The following FSCN2 variants were observed in gnomAD, a reference collection of about 807,000 sequenced individuals.
The protein encoded by FSCN2 is fascin-2.
Under a neutral mutation model 37.8 loss-of-function variants are expected in FSCN2, and 46 were observed. That is an observed-to-expected ratio of 1.22 (90% CI 0.96 to 1.56). The LOEUF (loss-of-function observed/expected upper bound fraction) is 1.56, where lower values mean the gene tolerates loss of function less well. Ranked by LOEUF, FSCN2 falls within the 40% of genes most tolerant of loss-of-function variation. The pLI is 0.00. For missense variants in FSCN2, 844 were observed against 730.4 expected (o/e 1.16, Z -1.79); for synonymous variants, 351 against 309.4 (o/e 1.13, Z -1.41).
chr17:81,531,441 GTGATGGTGGTGGTGATGGTGA>G (rs2032586729), intron 1 of FSCN2, among the ~76,000 whole-genome samples: 3 of 77,198 alleles, frequency 3.9e-5, no homozygotes, highest in Admixed American at 1.4e-4. Flanking sequence ...GGAGATGGTG[GTGATGGTGGTGGTGATGGTGA>G]TGATGGTGGT....
At chr17:81,532,574 GGTGATGATA>G (rs1943812639) in intron 1 of FSCN2, among the ~76,000 whole-genome samples, 4 of 148,844 alleles carry the variant, frequency 2.7e-5, no homozygotes, top group South Asian at 2.1e-4. Flanking sequence ...TGGTGATGGT[GGTGATGATA>G]GTGATGGTGA....
chr17:81,531,971 GATA>G (rs1479006759), intron 1 of FSCN2, among the ~76,000 whole-genome samples: 6 of 141,434 alleles, frequency 4.2e-5, no homozygotes, highest in African/African-American at 1.6e-4. Context: ...TGATAGTGAT[GATA>G]ATGGTGATGA....
chr17:81,517,475 AC>A, the FSCN2 span, among the ~76,000 whole-genome samples: 1 of 151,834 alleles, frequency 6.6e-6, no homozygotes, highest in African/African-American at 2.4e-5. Context: ...GGCCCAGCAA[AC>A]CCCCCAGGCG....
At chr17:81,536,027 G>A in intron 2 of FSCN2, 119 bp from the exon 3 acceptor site, 1 of 1,248,882 alleles carries the variant, frequency 8.0e-7, no homozygotes, top group Non-Finnish European at 1.1e-6. Context: ...ATGGTGGTGG[G>A]TGTGTCAGTG....
At chr17:81,525,499 G>T (rs945689675), upstream of FSCN2, among the ~76,000 whole-genome samples, 2 of 150,110 alleles carry the variant, frequency 1.3e-5, no homozygotes, top group Non-Finnish European at 3.0e-5. Flanking sequence ...GAGGAGGCCA[G>T]ATCACAAGGT....
intron 2 of FSCN2, among the ~76,000 whole-genome samples, chr17:81,535,668 C>CCCATTACCATCT (rs2032842192): frequency 3.6e-4 from 2 of 5,630 alleles, no homozygotes; most frequent in Non-Finnish European, 6.9e-4. Context: ...CATCTCCATC[C>CCCATTACCATCT]CCACCATCCC....
At chr17:81,520,567 G>A in the FSCN2 span, among the ~76,000 whole-genome samples, 1 of 152,394 alleles carries the variant, frequency 6.6e-6, no homozygotes, top group South Asian at 2.1e-4. Flanking sequence ...GTATCGGCAA[G>A]TGCCTTGAGC....
chr17:81,536,004 A>G (rs2032864759), intron 2 of FSCN2, 142 bp from the exon 3 acceptor site: 9 of 1,005,582 alleles, frequency 9.0e-6, no homozygotes, highest in Non-Finnish European at 1.3e-5. Context: ...CCACTGGGGC[A>G]GGGTAGCGCC....
rs1298571740 is a variant in FSCN2 at position 81,529,092 on chromosome 17, G to C, written c.561G>C (p.Lys187Asn). ...LIFRSRRYCLKSCDSRYLRSD... is the reference protein window; with the variant it reads ...LIFRSRRYCLNSCDSRYLRSD... ...TCCGGAGCCGACGGTACTGCCTCAA[G>C]TCCTGTGACAGCCGCTACCTGCGCA... The change falls in exon 1 of 5, where the codon AAG (lysine) becomes AAC (asparagine). Residue 187 changes from lysine to asparagine, a missense_variant. By Grantham distance (94) the Lys-to-Asn change is moderately conservative (BLOSUM62 0). Coordinates refer to ENST00000417245, the MANE Select transcript of FSCN2 (RefSeq NM_012418.4). The C allele has an allele frequency of 1.3e-6, 2 of 1,589,652 alleles. No individual in the cohort carries two copies. The highest frequency in any genetic ancestry group is 1.7e-6 in the Non-Finnish European group (2 of 1,170,020).
the FSCN2 span, among the ~76,000 whole-genome samples, chr17:81,520,365 G>A: frequency 6.6e-6 from 1 of 152,216 alleles, no homozygotes; most frequent in African/African-American, 2.4e-5. Flanking sequence ...TGTCCACTTG[G>A]TCTGTGGGAG....
At chr17:81,524,872 C>T (rs1010047553), upstream of FSCN2, among the ~76,000 whole-genome samples, 2 of 143,446 alleles carry the variant, frequency 1.4e-5, no homozygotes, top group Non-Finnish European at 3.0e-5. Context: ...AACCTTTGCC[C>T]ACCCTCATCC....
the FSCN2 span, among the ~76,000 whole-genome samples, chr17:81,520,501 C>T: frequency 2.0e-5 from 3 of 152,242 alleles, no homozygotes; most frequent in African/African-American, 7.2e-5. Context: ...ACAAGGCATC[C>T]TTTGGGGGCG....
the FSCN2 span, among the ~76,000 whole-genome samples, chr17:81,519,573 C>T: frequency 2.6e-5 from 4 of 152,196 alleles, no homozygotes; most frequent in Non-Finnish European, 5.9e-5. Flanking sequence ...TGCCGGAGCC[C>T]GCGCCTGCCC....
chr17:81,532,644 ATGG>A (rs1314394022), intron 1 of FSCN2, among the ~76,000 whole-genome samples: 8,334 of 141,410 alleles, frequency 0.059, 759 homozygotes, highest in African/African-American at 0.19. Context: ...GATGGTGATG[ATGG>A]TGGTGATGGT....
At chr17:81,528,097 G>A (rs2032408783), upstream of FSCN2, among the ~76,000 whole-genome samples, 1 of 152,172 alleles carries the variant, frequency 6.6e-6, no homozygotes, top group African/African-American at 2.4e-5. Context: ...CACGGGGTTG[G>A]AGGAGGGGGG....
chr17:81,535,148 G>T lies in FSCN2; in HGVS notation c.923G>T (p.Ser308Ile). The change falls in exon 2 of 5, where the codon AGC (serine) becomes ATC (isoleucine). Residue 308 changes from serine to isoleucine, a missense_variant. By Grantham distance (142) the Ser-to-Ile change is moderately radical. Coordinates refer to ENST00000417245, the MANE Select transcript of FSCN2 (RefSeq NM_012418.4). ...ACAAAGAAGTGCACCTTCTATTCCA[G>T]CACTGGGGGCTACTGGACCCTGGTC... Reference protein sequence around the residue: ...QETKKCTFYSSTGGYWTLVTH... With the variant: ...QETKKCTFYSITGGYWTLVTH... 2 of 1,534,068 alleles carry T rather than the reference G, an allele frequency of 1.3e-6. No individual in the cohort carries two copies. Among genetic ancestry groups the T allele is most frequent in the Non-Finnish European group, 1.7e-6 (2 of 1,145,568 alleles).
chr17:81,528,517 C>T lies in FSCN2; in HGVS notation c.-15C>T. The stretch of plus-strand genomic sequence containing the variant: ...GCGCATCCCAGGCCCCTCCGGGGAC[C>T]CGGCCAGCCTGAAGATGCCGACGAA... On this transcript the variant is annotated 5_prime_UTR_variant, in exon 1 of 5. Transcript: ENST00000417245. 9.6e-6 allele frequency: 15 copies of T among 1,569,304 alleles called. No individual in the cohort carries two copies. Among genetic ancestry groups the T allele is most frequent in the Non-Finnish European group, 1.3e-5 (15 of 1,156,136 alleles).
intron 1 of FSCN2, among the ~76,000 whole-genome samples, chr17:81,533,034 T>C (rs941384247): frequency 6.6e-6 from 1 of 152,112 alleles, no homozygotes; most frequent in African/African-American, 2.4e-5. Flanking sequence ...GAGCGGGACA[T>C]GGCATCTCAG....
chr17:81,532,452 A>G (rs927110735), intron 1 of FSCN2, among the ~76,000 whole-genome samples: 50 of 114,198 alleles, frequency 4.4e-4, no homozygotes, highest in Admixed American at 2.4e-3. Flanking sequence ...GATGATGGTG[A>G]TGGTGGTGGT....
Sources: allele counts gnomAD v4.1 joint callset (sites outside exome capture counted in the v4.1 genomes callset), GRCh38; gene constraint gnomAD v4.1.1; transcripts MANE v1.5; gene names NCBI Gene and HGNC (gene_info 2026-07-23, HGNC 2026-07-21).